The following C1QTNF9 variants were observed in gnomAD, a reference collection of about 807,000 sequenced individuals.
C1QTNF9 encodes the protein complement C1q and tumor necrosis factor-related protein 9A.
In C1QTNF9, 6 loss-of-function variants were observed where a neutral mutation model predicts 10.1. The observed-to-expected ratio is 0.59, with a 90% CI of 0.32 to 1.17. C1QTNF9 has a LOEUF of 1.17. C1QTNF9 is among the 50% of genes most tolerant of loss of function. The pLI is 0.04. For missense variants in C1QTNF9, 201 were observed against 418.8 expected, an observed-to-expected ratio of 0.48 and a Z score of 4.54; for synonymous variants, 98 against 163.5, an observed-to-expected ratio of 0.60 and a Z score of 3.06.
At chr13:24,313,940 A>G (rs1332503878) in intron 1 of C1QTNF9, among the ~76,000 whole-genome samples, 2 of 152,232 alleles carry the variant, frequency 1.3e-5, no homozygotes, top group African/African-American at 4.8e-5. Flanking sequence ...CATGACCTTC[A>G]TAATTATTGC....
upstream of C1QTNF9, among the ~76,000 whole-genome samples, chr13:24,307,632 C>T (rs1877649416): frequency 6.6e-6 from 1 of 152,256 alleles, no homozygotes; most frequent in Admixed American, 6.5e-5. Flanking sequence ...CTGCTCCTCC[C>T]AACCTTGGGC....
chr13:24,313,843 A>T (rs1363833642), intron 1 of C1QTNF9, among the ~76,000 whole-genome samples: 1 of 152,222 alleles, frequency 6.6e-6, no homozygotes, highest in Non-Finnish European at 1.5e-5. Flanking sequence ...GTCAATATTC[A>T]TACAGTCGTA....
upstream of C1QTNF9, among the ~76,000 whole-genome samples, chr13:24,308,631 A>T (rs1403666945): frequency 6.6e-6 from 1 of 152,130 alleles, no homozygotes; most frequent in Non-Finnish European, 1.5e-5. Context: ...ACCCACCCGT[A>T]CACTCGGCCT....
chr13:24,315,672 C>G, intron 1 of C1QTNF9: 3 of 475,098 alleles, frequency 6.3e-6, no homozygotes, highest in Non-Finnish European at 1.1e-5. Context: ...GCATTGATCT[C>G]TGGTTCAGAA....
At chr13:24,312,381 A>G (rs12161845) in intron 1 of C1QTNF9, among the ~76,000 whole-genome samples, 25,864 of 151,910 alleles carry the variant, frequency 0.17, 2,394 homozygotes, top group South Asian at 0.27. Flanking sequence ...GAGAGAGTGG[A>G]TGATTGCAGG....
At chr13:24,308,637 G>A (rs1877694018), upstream of C1QTNF9, among the ~76,000 whole-genome samples, 1 of 152,182 alleles carries the variant, frequency 6.6e-6, no homozygotes, top group Non-Finnish European at 1.5e-5. Context: ...CCGTACACTC[G>A]GCCTCTGCCC....
intron 1 of C1QTNF9, among the ~76,000 whole-genome samples, chr13:24,311,677 G>T (rs1355214376): frequency 6.6e-6 from 1 of 152,206 alleles, no homozygotes; most frequent in African/African-American, 2.4e-5. Flanking sequence ...GAATTAGGAT[G>T]TGGGCTCAGC....
chr13:24,309,283 T>TTTTATATATATATATATATATA (rs1422107558), upstream of C1QTNF9, among the ~76,000 whole-genome samples: 6 of 68,262 alleles, frequency 8.8e-5, no homozygotes, highest in African/African-American at 2.5e-4. Context: ...ACTTAAAGTA[T>TTTTATATATATATATATATATA]TATATATATA....
upstream of C1QTNF9, among the ~76,000 whole-genome samples, chr13:24,309,283 TTA>T (rs72150411): frequency 0.018 from 1,245 of 68,228 alleles, 159 homozygotes; most frequent in South Asian, 0.11. Context: ...ACTTAAAGTA[TTA>T]TATATATATA....
At chr13:24,307,908 A>G (rs1325789738), upstream of C1QTNF9, among the ~76,000 whole-genome samples, 1 of 152,220 alleles carries the variant, frequency 6.6e-6, no homozygotes, top group Non-Finnish European at 1.5e-5. Context: ...AAACACCAGG[A>G]GGATGGAGCC....
intron 1 of C1QTNF9, chr13:24,315,672 C>T (rs1877993877): frequency 4.2e-6 from 2 of 474,980 alleles, no homozygotes; most frequent in African/African-American, 1.9e-5. Flanking sequence ...GCATTGATCT[C>T]TGGTTCAGAA....
At chr13:24,318,571 G>A (rs1456398359) in intron 2 of C1QTNF9, among the ~76,000 whole-genome samples, 2 of 152,002 alleles carry the variant, frequency 1.3e-5, no homozygotes, top group African/African-American at 2.4e-5. Flanking sequence ...CTCTAGGCAC[G>A]TCCTAGAGAT....
chr13:24,318,507 G>A (rs1048866636), intron 2 of C1QTNF9, among the ~76,000 whole-genome samples: 1 of 123,570 alleles, frequency 8.1e-6, no homozygotes, highest in African/African-American at 2.9e-5. Context: ...GAACACAATC[G>A]TGACAGTCAG....
chr13:24,317,462 T>A (rs1317120383), intron 2 of C1QTNF9, among the ~76,000 whole-genome samples: 1 of 152,152 alleles, frequency 6.6e-6, no homozygotes, highest in African/African-American at 2.4e-5. Context: ...CCAGTGTCCA[T>A]TCTTTCAAGT....
chr13:24,321,704 G>A (rs1402313170), exon 4 of C1QTNF9: 2 of 1,611,268 alleles, frequency 1.2e-6, no homozygotes, highest in South Asian at 2.2e-5. Flanking sequence ...AGGTTCAATG[G>A]CTTGTTTGCT....
chr13:24,320,760 A>G (rs564263246), intron 3 of C1QTNF9, among the ~76,000 whole-genome samples: 1,979 of 149,586 alleles, frequency 0.013, 41 homozygotes, highest in African/African-American at 0.046. Flanking sequence ...TATGTTGGCC[A>G]GGTTGGTCTT....
intron 1 of C1QTNF9, among the ~76,000 whole-genome samples, chr13:24,313,628 A>G (rs1877919510): frequency 6.6e-6 from 1 of 152,300 alleles, no homozygotes; most frequent in African/African-American, 2.4e-5. Flanking sequence ...AAAATACTCC[A>G]TTTGCATTAG....
At chr13:24,321,955 T>G (rs902376973) in exon 4 of C1QTNF9, 3 of 678,590 alleles carry the variant, frequency 4.4e-6, no homozygotes, top group South Asian at 3.5e-5. Context: ...ATATTTAAAA[T>G]AGCTGCATGG....
chr13:24,309,980 C>T (rs577047685), intron 1 of C1QTNF9, among the ~76,000 whole-genome samples: 6 of 152,178 alleles, frequency 3.9e-5, no homozygotes, highest in Non-Finnish European at 5.9e-5. Context: ...ACTGCAACCT[C>T]GCCTCCCGGG....
Sources: allele counts gnomAD v4.1 joint callset (sites outside exome capture counted in the v4.1 genomes callset), GRCh38; gene constraint gnomAD v4.1.1; transcripts MANE v1.5; gene names NCBI Gene and HGNC (gene_info 2026-07-23, HGNC 2026-07-21).